TRHDE: variants seen among roughly 807,000 people sequenced by gnomAD.
The protein encoded by TRHDE is thyrotropin releasing hormone degrading enzyme.
TRHDE carries 72 observed loss-of-function variants against 125.7 expected under a neutral mutation model. The observed-to-expected ratio is 0.57, with a 90% CI of 0.47 to 0.70. TRHDE has a LOEUF of 0.70. Among genes scored for constraint, TRHDE ranks in the 30% least tolerant of loss-of-function variants. The pLI, the probability that TRHDE is intolerant of heterozygous loss-of-function variation, is 0.00. For synonymous variants in TRHDE, 509 were observed against 509.1 expected (o/e 1.00, Z 0.00); for missense variants, 1,110 against 1,327.1 (o/e 0.84, Z 2.54).
intron 3 of TRHDE, among the ~76,000 whole-genome samples, chr12:72,448,812 G>C (rs77565536): frequency 6.6e-6 from 1 of 151,636 alleles, no homozygotes; most frequent in South Asian, 2.1e-4. Flanking sequence ...GCCTTTAGAG[G>C]TAATGGAAAT....
At chr12:72,513,578 G>A (rs917032185) in intron 6 of TRHDE, among the ~76,000 whole-genome samples, 5 of 151,956 alleles carry the variant, frequency 3.3e-5, no homozygotes, top group East Asian at 1.9e-4. Flanking sequence ...AAATCAAGTC[G>A]TTGATTTCTG....
intron 15 of TRHDE, among the ~76,000 whole-genome samples, chr12:72,627,642 C>G (rs561264151): frequency 6.6e-6 from 1 of 151,968 alleles, no homozygotes; most frequent in South Asian, 2.1e-4. Context: ...ACCAGATTCA[C>G]CAGTCTACAT....
At chr12:72,136,822 T>G (rs1006784468) in intron 2 of TRHDE, among the ~76,000 whole-genome samples, 3 of 152,194 alleles carry the variant, frequency 2.0e-5, no homozygotes, top group Non-Finnish European at 4.4e-5. Context: ...CATATGACCA[T>G]GGCAAAACTC....
In TRHDE at chr12:72,518,916, G is replaced by C. The variant is rs1218315976; in HGVS notation, c.1722+19281G>C. Among the ~76,000 whole-genome samples, 21 of 151,794 alleles carry C rather than the reference G, an allele frequency of 1.4e-4. No individual in the cohort carries two copies. In the South Asian group the frequency reaches 1.9e-3, roughly 14 times the overall value. On this transcript the variant is annotated intron_variant, in intron 6 of 18. Transcript: ENST00000261180. Reference sequence around the variant, plus strand: ...TCCTTCACTTATGAAGCTTAGTTTGGCTGGATATGAAATTCTGGGTTGAAA... The same window carrying C: ...TCCTTCACTTATGAAGCTTAGTTTGCCTGGATATGAAATTCTGGGTTGAAA...
intron 2 of TRHDE, among the ~76,000 whole-genome samples, chr12:72,358,293 CTCTT>C (rs1870913298): frequency 6.6e-6 from 1 of 151,554 alleles, no homozygotes; most frequent in African/African-American, 2.4e-5. Context: ...GCAACCCCTC[CTCTT>C]TCTTCTCCTC....
At chr12:72,647,822 C>T (rs533605934) in intron 15 of TRHDE, among the ~76,000 whole-genome samples, 1 of 152,208 alleles carries the variant, frequency 6.6e-6, no homozygotes, top group African/African-American at 2.4e-5. Context: ...GATGACTTCA[C>T]TGAAAGGTGA....
intron 18 of TRHDE, among the ~76,000 whole-genome samples, chr12:72,659,011 AC>A (rs1308502080): frequency 2.6e-5 from 4 of 152,300 alleles, no homozygotes; most frequent in African/African-American, 4.8e-5. Flanking sequence ...TTCTACCATA[AC>A]CCATAAGCCT....
chr12:72,367,595 A>C (rs554963382), intron 2 of TRHDE, among the ~76,000 whole-genome samples: 4 of 152,246 alleles, frequency 2.6e-5, no homozygotes, highest in African/African-American at 9.6e-5. Context: ...CTGAGCTTTT[A>C]GTTTCTTGTT....
intron 12 of TRHDE, among the ~76,000 whole-genome samples, chr12:72,606,151 A>T (rs951316976): frequency 4.6e-5 from 7 of 152,164 alleles, no homozygotes; most frequent in African/African-American, 1.7e-4. Flanking sequence ...TGTGATACTC[A>T]CGAATTTATG....
chr12:72,321,413 T>G (rs1239622841), intron 2 of TRHDE, among the ~76,000 whole-genome samples: 1 of 152,140 alleles, frequency 6.6e-6, no homozygotes, highest in African/African-American at 2.4e-5. Context: ...GTTCCAAATT[T>G]AAAAAGATAC....
chr12:72,328,353 C>T (rs1869434609), intron 2 of TRHDE, among the ~76,000 whole-genome samples: 1 of 152,112 alleles, frequency 6.6e-6, no homozygotes, highest in South Asian at 2.1e-4. Context: ...CACCTTACTA[C>T]AATTTAATGG....
At chr12:72,267,086 A>G (rs1879085585) in intron 2 of TRHDE, among the ~76,000 whole-genome samples, 2 of 152,082 alleles carry the variant, frequency 1.3e-5, no homozygotes, top group Non-Finnish European at 2.9e-5. Context: ...TATATTCACT[A>G]TTTCCATTTC....
At chr12:72,448,571 C>T (rs959061676) in intron 3 of TRHDE, among the ~76,000 whole-genome samples, 1 of 151,688 alleles carries the variant, frequency 6.6e-6, no homozygotes, top group Admixed American at 6.6e-5. Context: ...ATATTAATAC[C>T]GAATTCATTT....
chr12:72,453,316 T>C (rs369129002), intron 3 of TRHDE, among the ~76,000 whole-genome samples: 1 of 152,130 alleles, frequency 6.6e-6, no homozygotes, highest in South Asian at 2.1e-4. Context: ...GCCCTAGGGA[T>C]ATGTGGAAGT....
chr12:72,288,956 A>C (rs1294886163), intron 2 of TRHDE, among the ~76,000 whole-genome samples: 1 of 152,174 alleles, frequency 6.6e-6, no homozygotes, highest in Non-Finnish European at 1.5e-5. Context: ...ATAAAAAAGA[A>C]AACAAAATTG....
At chr12:72,173,336 A>T (rs1423272854) in intron 2 of TRHDE, among the ~76,000 whole-genome samples, 2 of 152,192 alleles carry the variant, frequency 1.3e-5, no homozygotes, top group African/African-American at 4.8e-5. Context: ...GTAGGAAAGG[A>T]TTACTATTCA....
rs1474223430 is a variant in TRHDE at position 72,446,152 on chromosome 12, T to TTC, written c.1316-23605_1316-23604insCT. 1.1e-3 allele frequency among the ~76,000 whole-genome samples: 155 copies of TTC among 146,650 alleles called. 1 individual carries two copies. The highest frequency in any genetic ancestry group is 3.1e-3 in the Admixed American group (46 of 14,652). ...GGGTGGGGCCCGATTGTGCATTTCT[T>TTC]TTTTTTTTTTTTTTTATACTTTAAG... is the stretch of plus-strand genomic sequence containing the variant. On this transcript the variant is annotated intron_variant, in intron 3 of 18. Coordinates refer to ENST00000261180, the MANE Select transcript of TRHDE (RefSeq NM_013381.3).
At chr12:72,443,268 C>G (rs926391000) in intron 3 of TRHDE, among the ~76,000 whole-genome samples, 35 of 149,336 alleles carry the variant, frequency 2.3e-4, no homozygotes, top group Non-Finnish European at 8.9e-5. Context: ...GCCTTGTATC[C>G]TCATTCTTTT....
At chr12:72,541,576 C>G (rs1245016442) in intron 6 of TRHDE, among the ~76,000 whole-genome samples, 1 of 151,410 alleles carries the variant, frequency 6.6e-6, no homozygotes, top group Non-Finnish European at 1.5e-5. Flanking sequence ...AATGATTAGA[C>G]AATTTGAAAT....
Sources: allele counts gnomAD v4.1 joint callset (sites outside exome capture counted in the v4.1 genomes callset), GRCh38; gene constraint gnomAD v4.1.1; transcripts MANE v1.5; gene names NCBI Gene and HGNC (gene_info 2026-07-23, HGNC 2026-07-21).